The following SPATA20 variants were observed in gnomAD, a reference collection of about 807,000 sequenced individuals.
SPATA20 encodes spermatogenesis associated 20.
SPATA20 carries 74 observed loss-of-function variants against 98.9 expected under a neutral mutation model. The observed-to-expected ratio is 0.75, with a 90% confidence interval of 0.62 to 0.91. The LOEUF is 0.91. Ranked by LOEUF, SPATA20 falls within the 40% of genes least tolerant of loss-of-function variation. The pLI is 0.00. For synonymous variants in SPATA20, 430 were observed against 440.5 expected (o/e 0.98, Z 0.30); for missense variants, 1,016 against 1,069.8 (o/e 0.95, Z 0.70).
rs1262218007 is a variant in SPATA20 at position 50,550,531 on chromosome 17, C to T, written c.1099-5C>T. The T allele has an allele frequency of 1.2e-6, 2 of 1,613,958 alleles. No individual in the cohort carries two copies. Among genetic ancestry groups the T allele is most frequent in the African/African-American group, 2.7e-5 (2 of 75,056 alleles). On this transcript the variant is annotated splice_polypyrimidine_tract_variant and splice_region_variant and intron_variant, in intron 9 of 16. Coordinates refer to ENST00000006658, the MANE Select transcript of SPATA20 (RefSeq NM_022827.4). The stretch of plus-strand genomic sequence containing the variant: ...GTTCACAGTCTCCTTTCTTCCCTTT[C>T]TTAGCTCTCTGGTGATGAATTCTAC...
Position 50,551,592 on chromosome 17 carries a change from A to C in SPATA20, c.1658A>C (p.Lys553Thr). 1 of 1,608,020 alleles carries C rather than the reference A, an allele frequency of 6.2e-7. No homozygotes were observed. Among genetic ancestry groups the C allele is most frequent in the Non-Finnish European group, 8.5e-7 (1 of 1,175,200 alleles). Residue 553 changes from lysine (K) to threonine (T), a missense_variant, in exon 13 of 17, where the codon AAG becomes ACG. By Grantham distance (78) the Lys-to-Thr change is moderately conservative. Transcript: ENST00000006658. ...RLINYATNGAKFLKRHMFDVA... is the reference protein window; with the variant it reads ...RLINYATNGATFLKRHMFDVA... ...ATCAACTATGCCACCAATGGTGCCA[A>C]GTTCCTGAAGCGGCACATGTTTGAT...
At position 50,550,678 on chromosome 17, in the gene SPATA20, C is replaced by T. The variant is rs200234323; in HGVS notation, c.1174-30C>T. On this transcript the variant is annotated intron_variant, in intron 10 of 16. Coordinates refer to ENST00000006658, the MANE Select transcript of SPATA20 (RefSeq NM_022827.4). The stretch of plus-strand genomic sequence containing the variant: ...TTGGGGCCTCCACTGCCCTGTGGGC[C>T]GGGGCCAGCCAACTCTCCCCTCCCC... 270 of 1,612,526 alleles carry T rather than the reference C, an allele frequency of 1.7e-4. 1 individual carries two copies. In the East Asian group the frequency reaches 4.3e-3, roughly 26 times the overall value.
At position 50,551,680 on chromosome 17, in the gene SPATA20, G is replaced by T. The variant is rs201832898; in HGVS notation, c.1745+1G>T. On this transcript the variant is annotated splice_donor_variant, in intron 13 of 16. Coordinates refer to ENST00000006658, the MANE Select transcript of SPATA20 (RefSeq NM_022827.4). LOFTEE classifies it high-confidence loss of function. The stretch of plus-strand genomic sequence containing the variant: ...GCCCTGGGGGGACTGTGGAGCACAG[G>T]TTGGGGGCTGGGTAGACCGGGAGGG... 97 of 1,586,518 alleles carry T rather than the reference G, an allele frequency of 6.1e-5. No homozygotes were observed. Among genetic ancestry groups the T allele is most frequent in the Non-Finnish European group, 8.2e-5 (95 of 1,158,342 alleles).
chr17:50,555,359 C>T (rs764234098), intron 16 of SPATA20, 47 bp downstream of exon 16: 16 of 1,593,548 alleles, frequency 1.0e-5, no homozygotes, highest in Non-Finnish European at 1.4e-5. Flanking sequence ...AGAGCTGCCC[C>T]CTCCCATCCT....
At position 50,547,295 on chromosome 17, in the gene SPATA20, G is replaced by GGCGA; in HGVS notation, c.77+14_77+17dup. On this transcript the variant is annotated intron_variant, in intron 1 of 16. Coordinates refer to ENST00000006658, the MANE Select transcript of SPATA20 (RefSeq NM_022827.4). ...TCGCCGCGAGCCGCAGGTACGGGCG[G>GGCGA]GCGAGCGGGCCCCTAGGGCACTCCC... 3 of 1,379,436 alleles carry GGCGA rather than the reference G, an allele frequency of 2.2e-6. No homozygotes were observed. The Admixed American group carries it at 1.1e-4, about 49-fold the overall frequency. 85.4% of individuals were successfully genotyped at this position (1,379,436 alleles called of 1,614,324 possible).
chr17:50,547,790 C>T (rs2144051612), intron 2 of SPATA20, 23 bp downstream of exon 2: 1 of 797,780 alleles, frequency 1.3e-6, no homozygotes, highest in East Asian at 2.4e-5. Flanking sequence ...TGAGGGAGTC[C>T]CCATGTCTGG....
chr17:50,554,373 G>T lies in SPATA20; in HGVS notation c.2080G>T (p.Glu694Ter). 3 of 1,614,140 alleles carry T rather than the reference G, an allele frequency of 1.9e-6. No homozygotes were observed. The highest frequency in any genetic ancestry group is 2.5e-6 in the Non-Finnish European group (3 of 1,180,034). ...KCVCLLTAFS[E>*]RMRRVPVALP... ...TGTGTGCCTATTGACCGCCTTTTCC[G>T]AGCGCATGCGTCGTGTCCCGGTGGC... Residue 694 changes from glutamate (E) to a stop codon, truncating the protein, a stop_gained, in exon 15 of 17, where the codon GAG (glutamate) becomes TAG (stop). Transcript: ENST00000006658. LOFTEE classifies it high-confidence loss of function.
At position 50,549,188 on chromosome 17, in the gene SPATA20, T is replaced by C. The variant is rs1274179388; in HGVS notation, c.660+2T>C. On this transcript the variant is annotated splice_donor_variant, in intron 6 of 16. Coordinates refer to ENST00000006658, the MANE Select transcript of SPATA20 (RefSeq NM_022827.4). LOFTEE classifies it high-confidence loss of function. ...GTGTTGCTGAGAATACGAGAACAGG[T>C]GGGTGTGCCTCCGGGAGTTGGGGGA... The C allele has an allele frequency of 1.9e-6, 3 of 1,593,548 alleles. No individual in the cohort carries two copies. The Admixed American group carries it at 5.1e-5, about 27-fold the overall frequency.
intron 13 of SPATA20, 119 bp from the exon 14 acceptor site, chr17:50,551,850 C>A: frequency 8.3e-7 from 1 of 1,201,766 alleles, no homozygotes; most frequent in Non-Finnish European, 1.2e-6. Flanking sequence ...GCTGATGGCA[C>A]CTGCCCAAGA....
rs550942167 is a variant in SPATA20, at chr17:50,547,813, G to A, written c.125+46G>A. The A allele has an allele frequency of 1.2e-5, 10 of 824,584 alleles. No homozygotes were observed. In the South Asian group the frequency reaches 1.3e-4, roughly 11 times the overall value. The allele number at this position is 824,584 out of a possible 1,614,324, so 51.1% of individuals were successfully genotyped here. A position where few individuals can be genotyped will look rare whatever the true frequency, so the allele number is the denominator to read the frequency against. ...TCCCCATGTCTGGTTTCCTCTGTTT[G>A]TCCCTCACCTGGTCGAGTCCCAGAC... On this transcript the variant is annotated intron_variant, in intron 2 of 16. Transcript: ENST00000006658.
chr17:50,552,241 G>A (rs1237501536), intron 14 of SPATA20, 61 bp downstream of exon 14: 3 of 1,455,946 alleles, frequency 2.1e-6, no homozygotes, highest in Non-Finnish European at 2.9e-6. Context: ...CGTGGGTGAA[G>A]AGCTGGTGTG....
chr17:50,549,270 C>T lies in SPATA20; in HGVS notation c.661-16C>T, dbSNP rs931888379. 3 of 1,606,392 alleles carry T rather than the reference C, an allele frequency of 1.9e-6. No individual in the cohort carries two copies. The highest frequency in any genetic ancestry group is 1.7e-5 in the Admixed American group (1 of 59,898). ...TCCCCCTAGCTGACCTCCAGGTGTG[C>T]CCCCACCTCCCGCAGTGGAAACAGA... On this transcript the variant is annotated splice_polypyrimidine_tract_variant and intron_variant, in intron 6 of 16. Transcript: ENST00000006658.
intron 15 of SPATA20, among the ~76,000 whole-genome samples, chr17:50,554,720 C>A (rs1295755125): frequency 6.6e-6 from 1 of 151,996 alleles, no homozygotes; most frequent in Non-Finnish European, 1.5e-5. Context: ...GTGTGTGTGA[C>A]CCTGGAGGTG....
chr17:50,549,201 G>T lies in SPATA20; in HGVS notation c.660+15G>T. 1 of 1,592,478 alleles carries T rather than the reference G, an allele frequency of 6.3e-7. No individual in the cohort carries two copies. The highest frequency in any genetic ancestry group is 8.6e-7 in the Non-Finnish European group (1 of 1,165,746). On this transcript the variant is annotated intron_variant, in intron 6 of 16. Coordinates refer to ENST00000006658, the MANE Select transcript of SPATA20 (RefSeq NM_022827.4). ...TACGAGAACAGGTGGGTGTGCCTCC[G>T]GGAGTTGGGGGACCAGGGTGGGGGA...
At position 50,555,719 on chromosome 17, in the gene SPATA20, C is replaced by G; in HGVS notation, c.*57C>G. 2 of 1,521,086 alleles carry G rather than the reference C, an allele frequency of 1.3e-6. No individual in the cohort carries two copies. Among genetic ancestry groups the G allele is most frequent in the Non-Finnish European group, 8.9e-7 (1 of 1,118,252 alleles). The allele number at this position is 1,521,086 out of a possible 1,614,324, so 94.2% of individuals were successfully genotyped here. On this transcript the variant is annotated 3_prime_UTR_variant, in exon 17 of 17. Coordinates refer to ENST00000006658, the MANE Select transcript of SPATA20 (RefSeq NM_022827.4). The stretch of plus-strand genomic sequence containing the variant: ...GTGAAGCATCCCAACTGACTAGAGA[C>G]TCAGGCCCTGCAGGGCCCTATAGAA...
In SPATA20 at chr17:50,550,808, A is replaced by G; in HGVS notation, c.1274A>G (p.Gln425Arg). Residue 425 changes from glutamine to arginine, a missense_variant, in exon 11 of 17, where the codon CAG becomes CGG. Coordinates refer to ENST00000006658, the MANE Select transcript of SPATA20 (RefSeq NM_022827.4). Reference sequence around the variant, plus strand: ...TATGTGTGGACGGTCAAAGAGGTTCAGCAGCTCCTCCCGGAGCCTGTGTTG... The same window carrying G: ...TATGTGTGGACGGTCAAAGAGGTTCGGCAGCTCCTCCCGGAGCCTGTGTTG... ...AYYVWTVKEVQQLLPEPVLGA... is the reference protein window; with the variant it reads ...AYYVWTVKEVRQLLPEPVLGA... The G allele has an allele frequency of 6.2e-7, 1 of 1,613,066 alleles. No homozygotes were observed. Among genetic ancestry groups the G allele is most frequent in the Non-Finnish European group, 8.5e-7 (1 of 1,180,026 alleles).
rs551226840 is a variant in SPATA20, at chr17:50,547,219, C to T, written c.11C>T (p.Ala4Val). 104 of 1,424,884 alleles carry T rather than the reference C, an allele frequency of 7.3e-5. No individual in the cohort carries two copies. Among genetic ancestry groups the T allele is most frequent in the Non-Finnish European group, 9.1e-5 (100 of 1,098,250 alleles). The allele number at this position is 1,424,884 out of a possible 1,614,324, so 88.3% of individuals were successfully genotyped here. A position where few individuals can be genotyped will look rare whatever the true frequency, so the allele number is the denominator to read the frequency against. The change falls in exon 1 of 17, where the codon GCG (alanine) becomes GTG (valine). Residue 4 changes from alanine to valine, a missense_variant. By Grantham distance (64) the Ala-to-Val change is moderately conservative (BLOSUM62 0). Coordinates refer to ENST00000006658, the MANE Select transcript of SPATA20 (RefSeq NM_022827.4). ...CGGCCCCGAGCAGCCATGCTGGGCGCGCGGGCCTGGTTGGGCCGCGTCCTT... is the reference window on the plus strand; with the variant it reads ...CGGCCCCGAGCAGCCATGCTGGGCGTGCGGGCCTGGTTGGGCCGCGTCCTT... The part of the protein sequence containing the change: MLG[A>V]RAWLGRVLLL...
At chr17:50,547,622 C>T (rs745318352) in intron 1 of SPATA20, 98 bp from the exon 2 acceptor site, 3 of 764,812 alleles carry the variant, frequency 3.9e-6, no homozygotes, top group Non-Finnish European at 4.9e-6. Flanking sequence ...ACCCTGTGCC[C>T]TGTCACAGTC....
chr17:50,547,354 C>T, intron 1 of SPATA20, 69 bp downstream of exon 1: 5 of 1,302,298 alleles, frequency 3.8e-6, no homozygotes, highest in Non-Finnish European at 5.1e-6. Context: ...GAGGGTCTTC[C>T]GGACACCGGT....
Sources: gnomAD v4.1 joint callset for allele counts (sites outside exome capture counted in the v4.1 genomes callset) on GRCh38, gnomAD v4.1.1 for gene constraint, MANE v1.5 for transcripts, NCBI Gene and HGNC (gene_info 2026-07-23, HGNC 2026-07-21) for gene names.